Variants in MYO5A observed in about 807,000 individuals in gnomAD.
MYO5A encodes unconventional myosin-Va.
In MYO5A, 98 loss-of-function variants were observed where a neutral mutation model predicts 249.7. That is an observed-to-expected ratio of 0.39 (90% CI 0.33 to 0.46). The LOEUF (loss-of-function observed/expected upper bound fraction) is 0.46, where lower values mean the gene tolerates loss of function less well. Ranked by LOEUF, MYO5A falls within the 20% of genes least tolerant of loss-of-function variation. The pLI is 0.98. For synonymous variants in MYO5A, 778 were observed against 810.6 expected, an observed-to-expected ratio of 0.96 and a Z score of 0.68; for missense variants, 1,696 against 2,308.8, an observed-to-expected ratio of 0.73 and a Z score of 5.44.
chr15:52,479,027 G>A (rs917124887), intron 1 of MYO5A, among the ~76,000 whole-genome samples: 7 of 151,416 alleles, frequency 4.6e-5, no homozygotes, highest in African/African-American at 1.5e-4. Context: ...ATGGAGTCTC[G>A]CTCTGTCACC....
rs4987194 is a variant in MYO5A at position 52,313,664 on chromosome 15, A to G, written c.*32T>C. On this transcript the variant is annotated 3_prime_UTR_variant, in exon 42 of 42. Coordinates refer to ENST00000399233, the MANE Select transcript of MYO5A (RefSeq NM_001382347.1). The stretch of plus-strand genomic sequence containing the variant: ...AATGGGTTCTTATTTCGGGCAAGAA[A>G]TGTATTGTCAATTTTTGCCTGGACA... 34,779 of 1,612,714 alleles carry G rather than the reference A, an allele frequency of 0.022. 3,704 individuals are homozygous for G. In the African/African-American group the frequency reaches 0.3, roughly 14 times the overall value.
chr15:52,402,710 T>G (rs925934449), intron 9 of MYO5A, among the ~76,000 whole-genome samples: 2 of 152,070 alleles, frequency 1.3e-5, no homozygotes, highest in African/African-American at 4.8e-5. Flanking sequence ...CCAGACACAG[T>G]GGCACACACC....
Position 52,321,595 on chromosome 15 carries a change from T to C in MYO5A, c.4801-86A>G, listed in dbSNP as rs985666544. The C allele has an allele frequency of 6.4e-6, 9 of 1,405,018 alleles. No individual in the cohort carries two copies. The East Asian group carries it at 6.8e-5, about 11-fold the overall frequency. The allele number at this position is 1,405,018 out of a possible 1,614,324, so 87.0% of individuals were successfully genotyped here. A position where few individuals can be genotyped will look rare whatever the true frequency, so the allele number is the denominator to read the frequency against. ...ATCTCCAATTTGATCAGCATCTTCA[T>C]GCTCTTTTCTGCTCTGTCCAAGGAG... is the stretch of plus-strand genomic sequence containing the variant. On this transcript the variant is annotated intron_variant, in intron 37 of 41. Transcript: ENST00000399233.
intron 14 of MYO5A, among the ~76,000 whole-genome samples, chr15:52,385,739 G>A (rs982914784): frequency 6.6e-6 from 1 of 152,056 alleles, no homozygotes; most frequent in African/African-American, 2.4e-5. Context: ...ACTTCCAAGA[G>A]AACACATTTA....
chr15:52,373,989 G>T (rs1441779592), intron 20 of MYO5A, among the ~76,000 whole-genome samples: 10 of 130,592 alleles, frequency 7.7e-5, no homozygotes. Context: ...AAATAAATAG[G>T]GCCTAGGTCA....
chr15:52,434,117 A>C (rs2141311722), intron 1 of MYO5A, among the ~76,000 whole-genome samples: 1 of 150,498 alleles, frequency 6.6e-6, no homozygotes, highest in East Asian at 2.0e-4. Flanking sequence ...CTCCTGCCTC[A>C]GCCTCACGAG....
chr15:52,386,367 T>C (rs895521340), intron 14 of MYO5A, among the ~76,000 whole-genome samples: 2 of 152,042 alleles, frequency 1.3e-5, no homozygotes, highest in African/African-American at 4.8e-5. Context: ...CCTGTGAATG[T>C]TCTGTTTCAG....
chr15:52,473,479 T>C (rs2076522460), intron 1 of MYO5A, among the ~76,000 whole-genome samples: 1 of 152,246 alleles, frequency 6.6e-6, no homozygotes, highest in Admixed American at 6.5e-5. Context: ...CATGCCTATG[T>C]CCTGAATGGT....
chr15:52,528,387 C>G (rs1413579097), intron 1 of MYO5A, among the ~76,000 whole-genome samples: 1 of 152,246 alleles, frequency 6.6e-6, no homozygotes, highest in East Asian at 1.9e-4. Context: ...CGTGTCCCCA[C>G]GAGAGAACCC....
At chr15:52,393,102 T>C (rs756980118) in intron 11 of MYO5A, among the ~76,000 whole-genome samples, 1 of 152,184 alleles carries the variant, frequency 6.6e-6, no homozygotes, top group Non-Finnish European at 1.5e-5. Flanking sequence ...CACCACCACT[T>C]CTAGTCTCTA....
At chr15:52,419,263 C>A (rs2043673207) in intron 4 of MYO5A, among the ~76,000 whole-genome samples, 1 of 152,114 alleles carries the variant, frequency 6.6e-6, no homozygotes, top group Non-Finnish European at 1.5e-5. Context: ...TTGCAGGCAA[C>A]CAATCTAATT....
intron 1 of MYO5A, among the ~76,000 whole-genome samples, chr15:52,493,110 A>C (rs1256837418): frequency 6.6e-6 from 1 of 152,210 alleles, no homozygotes. Flanking sequence ...GAGTTAGTGA[A>C]CATGTTTTGG....
In MYO5A at chr15:52,372,276, T is replaced by C. The variant is rs750046342; in HGVS notation, c.2665A>G (p.Ile889Val). The part of the protein sequence containing the change: ...RTHYKRSMHA[I>V]IYLQCCFRRM... ...CTGAAGCAGCACTGAAGGTAGATGA[T>C]GGCATGCATGCTCCTCTTGTAGTGT... is the stretch of plus-strand genomic sequence containing the variant. The change falls in exon 21 of 42, where the codon ATC becomes GTC. Residue 889 changes from isoleucine to valine, a missense_variant. Coordinates refer to ENST00000399233, the MANE Select transcript of MYO5A (RefSeq NM_001382347.1). 129 of 1,611,472 alleles carry C rather than the reference T, an allele frequency of 8.0e-5. No individual in the cohort carries two copies. The South Asian group carries it at 1.3e-3, about 16-fold the overall frequency.
intron 1 of MYO5A, among the ~76,000 whole-genome samples, chr15:52,527,233 T>G (rs902995273): frequency 2.6e-5 from 4 of 152,222 alleles, no homozygotes; most frequent in African/African-American, 9.6e-5. Flanking sequence ...TTTTGATATT[T>G]CTTAATATCG....
At position 52,307,496 on chromosome 15, in the gene MYO5A, CT is replaced by C. The variant is rs1177445247; in HGVS notation, c.*6199del. Reference sequence around the variant, plus strand: ...TTGTTGATATGAGATGAATTATTAACTTATTTTTAAAAATTGCACGTGAGAT... The same window carrying C: ...TTGTTGATATGAGATGAATTATTAACTATTTTTAAAAATTGCACGTGAGAT... On this transcript the variant is annotated 3_prime_UTR_variant, in exon 42 of 42. Coordinates refer to ENST00000399233, the MANE Select transcript of MYO5A (RefSeq NM_001382347.1). 1.3e-5 allele frequency: 2 copies of C among 152,114 alleles called. No homozygotes were observed. Among genetic ancestry groups the C allele is most frequent in the Non-Finnish European group, 2.9e-5 (2 of 67,998 alleles). 9.4% of individuals were successfully genotyped at this position (152,114 alleles called of 1,614,324 possible).
intron 36 of MYO5A, 28 bp from the exon 37 acceptor site, chr15:52,323,472 C>T (rs1445637891): frequency 6.4e-7 from 1 of 1,574,166 alleles, no homozygotes; most frequent in Non-Finnish European, 8.7e-7. Flanking sequence ...TCTAAACTTG[C>T]CTTTTCCTTA....
At chr15:52,448,277 C>T (rs1402951759) in intron 1 of MYO5A, among the ~76,000 whole-genome samples, 1 of 152,220 alleles carries the variant, frequency 6.6e-6, no homozygotes, top group Non-Finnish European at 1.5e-5. Context: ...GATTTAATGA[C>T]TGTCCTGCTG....
chr15:52,481,144 T>C (rs1363148808), intron 1 of MYO5A, among the ~76,000 whole-genome samples: 2 of 152,294 alleles, frequency 1.3e-5, no homozygotes, highest in Middle Eastern at 6.8e-3. Context: ...TTTATCTGCA[T>C]TGCCAAAATC....
At chr15:52,434,075 C>T (rs948558325) in intron 1 of MYO5A, among the ~76,000 whole-genome samples, 1 of 150,528 alleles carries the variant, frequency 6.6e-6, no homozygotes, top group Non-Finnish European at 1.5e-5. Context: ...TTTCGGCTCA[C>T]TGCCACCTCT....
Sources: allele counts gnomAD v4.1 joint callset (sites outside exome capture counted in the v4.1 genomes callset), GRCh38; gene constraint gnomAD v4.1.1; transcripts MANE v1.5; gene names NCBI Gene and HGNC (gene_info 2026-07-23, HGNC 2026-07-21).